The following CD244 variants were observed in gnomAD, a reference collection of about 807,000 sequenced individuals.
CD244 encodes the protein CD244 molecule.
A neutral mutation model predicts 45.5 loss-of-function variants in CD244; 20 were observed. The ratio of observed to expected loss-of-function variants is 0.44; its 90% CI spans 0.31 to 0.64. The LOEUF (loss-of-function observed/expected upper bound fraction) is 0.64, where lower values mean the gene tolerates loss of function less well. Ranked by LOEUF, CD244 falls within the 30% of genes least tolerant of loss-of-function variation. CD244 has a pLI of 0.08. For synonymous variants in CD244, 185 were observed against 160.5 expected (o/e 1.15, Z -1.15); for missense variants, 407 against 426.9 (o/e 0.95, Z 0.41).
chr1:160,840,646 GT>G (rs201077624), intron 3 of CD244, among the ~76,000 whole-genome samples: 7 of 151,306 alleles, frequency 4.6e-5, no homozygotes, highest in East Asian at 3.9e-4. Context: ...GAGCTGTATG[GT>G]TTTTTTTTCC....
At chr1:160,854,944 G>A (rs1470215748) in intron 1 of CD244, among the ~76,000 whole-genome samples, 1 of 152,178 alleles carries the variant, frequency 6.6e-6, no homozygotes, top group Non-Finnish European at 1.5e-5. Flanking sequence ...AGAAAGATGA[G>A]GGATGTCTTC....
intron 1 of CD244, 132 bp from the exon 2 acceptor site, chr1:160,842,033 T>G (rs369078126): frequency 2.3e-5 from 15 of 659,912 alleles, no homozygotes; most frequent in East Asian, 1.6e-4. Context: ...TAGGAGCACC[T>G]TAAAGCATAT....
At chr1:160,844,836 A>G (rs1406381990) in intron 1 of CD244, among the ~76,000 whole-genome samples, 1 of 152,090 alleles carries the variant, frequency 6.6e-6, no homozygotes, top group Non-Finnish European at 1.5e-5. Flanking sequence ...TTAGCCAGAC[A>G]TGGTGGCACA....
chr1:160,845,715 G>A (rs1302100839), intron 1 of CD244, among the ~76,000 whole-genome samples: 2 of 152,042 alleles, frequency 1.3e-5, no homozygotes, highest in African/African-American at 4.8e-5. Context: ...AATTAGCCAA[G>A]TATGGTGGTG....
intron 1 of CD244, among the ~76,000 whole-genome samples, chr1:160,854,952 T>C (rs1209111642): frequency 6.6e-6 from 1 of 152,192 alleles, no homozygotes; most frequent in East Asian, 1.9e-4. Flanking sequence ...GAGGGATGTC[T>C]TCACAGACAG....
Position 160,851,390 on chromosome 1 carries a change from A to G in CD244, c.62-9489T>C, listed in dbSNP as rs137970670. 2.0e-3 allele frequency among the ~76,000 whole-genome samples: 306 copies of G among 152,340 alleles called. 1 individual carries two copies. Among genetic ancestry groups the G allele is most frequent in the African/African-American group, 6.7e-3 (280 of 41,584 alleles). The stretch of plus-strand genomic sequence containing the variant: ...CTAAAAATTTTAGGAATTGTATGCC[A>G]GGAAAGGAGGTTGAAAACCAAATAT... On this transcript the variant is annotated intron_variant, in intron 1 of 8. Coordinates refer to ENST00000368034, the MANE Select transcript of CD244 (RefSeq NM_016382.4).
intron 1 of CD244, among the ~76,000 whole-genome samples, chr1:160,845,886 A>G (rs1004141888): frequency 6.6e-6 from 1 of 151,944 alleles, no homozygotes; most frequent in Non-Finnish European, 1.5e-5. Flanking sequence ...AAACAAACCA[A>G]TGAACAAAAG....
intron 1 of CD244, among the ~76,000 whole-genome samples, chr1:160,854,551 C>CTTT (rs61651879): frequency 7.1e-5 from 10 of 141,700 alleles, no homozygotes; most frequent in South Asian, 2.3e-4. Context: ...CCCAGCTATT[C>CTTT]TTTTTTTTTT....
intron 1 of CD244, among the ~76,000 whole-genome samples, chr1:160,845,872 A>G (rs1388374634): frequency 6.6e-6 from 1 of 151,952 alleles, no homozygotes; most frequent in Admixed American, 6.6e-5. Flanking sequence ...AAAAAAAAGA[A>G]AAAAAACAAA....
chr1:160,852,729 C>T (rs1669960340), intron 1 of CD244, among the ~76,000 whole-genome samples: 1 of 151,634 alleles, frequency 6.6e-6, no homozygotes, highest in Non-Finnish European at 1.5e-5. Flanking sequence ...AATTTGTACA[C>T]AAGAAAATCT....
intron 1 of CD244, among the ~76,000 whole-genome samples, chr1:160,847,444 T>C (rs1326903823): frequency 2.0e-5 from 3 of 152,178 alleles, no homozygotes; most frequent in African/African-American, 7.2e-5. Flanking sequence ...TATTATCATA[T>C]GCTGTGCATT....
rs1249950841 is a variant in CD244 at position 160,841,724 on chromosome 1, T to C, written c.239A>G (p.Asn80Ser). ...CTTGACTATAAAACTGAATCTATCATTGGAAGTATTGGAAGGCAAAGAGCC... is the reference window on the plus strand; with the variant it reads ...CTTGACTATAAAACTGAATCTATCACTGGAAGTATTGGAAGGCAAAGAGCC... ...ENGSLPSNTS[N>S]DRFSFIVKNL... The change falls in exon 2 of 9, where the codon AAT (asparagine) becomes AGT (serine). Residue 80 changes from asparagine (N) to serine (S), a missense_variant. Transcript: ENST00000368034. The C allele has an allele frequency of 4.3e-6, 7 of 1,614,074 alleles. No homozygotes were observed. The South Asian group carries it at 7.7e-5, about 18-fold the overall frequency.
chr1:160,832,609 C>T (rs967780520), intron 7 of CD244, 34 bp from the exon 8 acceptor site: 13 of 1,609,332 alleles, frequency 8.1e-6, no homozygotes, highest in South Asian at 5.5e-5. Flanking sequence ...TACTTAACTT[C>T]GAGATAAGTG....
intron 6 of CD244, 49 bp from the exon 7 acceptor site, chr1:160,834,165 A>G (rs769637358): frequency 4.1e-5 from 54 of 1,332,856 alleles, no homozygotes; most frequent in South Asian, 3.5e-5. Context: ...ATCCAGCACA[A>G]TCTTACAAAG....
chr1:160,858,392 G>A (rs1670184036), intron 1 of CD244, among the ~76,000 whole-genome samples: 1 of 152,178 alleles, frequency 6.6e-6, no homozygotes, highest in African/African-American at 2.4e-5. Context: ...TCTATAAGGT[G>A]TCACCTGTGC....
chr1:160,839,115 T>C (rs1381342042), intron 3 of CD244, 66 bp from the exon 4 acceptor site: 1 of 1,201,874 alleles, frequency 8.3e-7, no homozygotes, highest in Admixed American at 1.9e-5. Flanking sequence ...CCCACCTGCC[T>C]GCTGCAGGGG....
intron 5 of CD244, 32 bp downstream of exon 5, chr1:160,838,419 T>A (rs1291569276): frequency 6.5e-7 from 1 of 1,533,934 alleles, no homozygotes. Flanking sequence ...CCAAGCCAGC[T>A]GAGAGAGACC....
At position 160,836,216 on chromosome 1, in the gene CD244, G is replaced by T. The variant is rs773005207; in HGVS notation, c.873C>A (p.Ile291=). The T allele has an allele frequency of 1.2e-6, 2 of 1,613,740 alleles. No homozygotes were observed. Among genetic ancestry groups the T allele is most frequent in the South Asian group, 2.2e-5 (2 of 91,078 alleles). Residue 291 remains isoleucine, a synonymous_variant, in exon 6 of 9, where the codon ATC becomes ATA. Transcript: ENST00000368034. ...GTACCTGGGACTGGATCATAGAGTA[G>T]ATGGTGCTCCCCCCTCCAGGAAAAG... is the stretch of plus-strand genomic sequence containing the variant. ...EQTFPGGGST[I]YSMIQSQSSA... is the part of the protein sequence containing the mutation.
In CD244 at chr1:160,831,353, A is replaced by G. The variant is rs1669106604; in HGVS notation, c.1092T>C (p.Tyr364=). The part of the protein sequence containing the change: ...SRKELENFDV[Y]S ...GTGAGAATTGCTGCAGCAACTAGGA[A>G]TAAACATCAAAGTTCTCCAGCTCTT... The change falls in exon 9 of 9, where the codon TAT becomes TAC. Residue 364 remains tyrosine, a synonymous_variant. Transcript: ENST00000368034. The G allele has an allele frequency of 1.9e-6, 3 of 1,613,704 alleles. 1 individual carries two copies. In the South Asian group the frequency reaches 3.3e-5, roughly 18 times the overall value.
Sources: gnomAD v4.1 joint callset for allele counts (sites outside exome capture counted in the v4.1 genomes callset) on GRCh38, gnomAD v4.1.1 for gene constraint, MANE v1.5 for transcripts, NCBI Gene and HGNC (gene_info 2026-07-23, HGNC 2026-07-21) for gene names.